GRAMD1A: variants seen among roughly 807,000 people sequenced by gnomAD.
The protein encoded by GRAMD1A is GRAM domain containing 1A, also known as protein Aster-A.
In GRAMD1A, 50 loss-of-function variants were observed where a neutral mutation model predicts 92.0. That is an observed-to-expected ratio of 0.54 (90% CI 0.43 to 0.69). GRAMD1A has a LOEUF of 0.69. GRAMD1A is among the 30% of genes least tolerant of loss of function. The pLI, the probability that GRAMD1A is intolerant of heterozygous loss-of-function variation, is 0.00. For synonymous variants in GRAMD1A, 405 were observed against 403.6 expected (o/e 1.00, Z -0.04); for missense variants, 819 against 978.9 (o/e 0.84, Z 2.18).
intron 11 of GRAMD1A, among the ~76,000 whole-genome samples, chr19:35,018,240 G>A (rs1407687089): frequency 1.3e-5 from 2 of 152,050 alleles, no homozygotes. Flanking sequence ...CTCCTGCCTC[G>A]GCCTCCCAAA....
chr19:35,007,463 C>T (rs943729964), intron 1 of GRAMD1A, among the ~76,000 whole-genome samples: 5 of 152,180 alleles, frequency 3.3e-5, no homozygotes, highest in African/African-American at 7.2e-5. Flanking sequence ...GAGGCTGGGG[C>T]GGAAGAATCG....
chr19:35,007,860 G>A (rs772325399), intron 1 of GRAMD1A, among the ~76,000 whole-genome samples: 2 of 152,068 alleles, frequency 1.3e-5, no homozygotes, highest in East Asian at 1.9e-4. Context: ...GTGACAGAGC[G>A]AGACCCTATC....
intron 6 of GRAMD1A, 130 bp downstream of exon 6, chr19:35,010,509 G>A (rs535822677): frequency 8.9e-5 from 60 of 675,056 alleles, no homozygotes; most frequent in South Asian, 3.4e-4. Context: ...CTGTTCTCCC[G>A]GCCCAGGCGC....
chr19:35,009,567 T>G, intron 3 of GRAMD1A, 124 bp downstream of exon 3: 1 of 947,836 alleles, frequency 1.1e-6, no homozygotes, highest in Non-Finnish European at 1.7e-6. Flanking sequence ...TAGGGTCACG[T>G]TCTATGCTAT....
chr19:35,007,805 C>T lies in GRAMD1A; in HGVS notation c.9-1314C>T, dbSNP rs113458895. On this transcript the variant is annotated intron_variant, in intron 1 of 19. Coordinates refer to ENST00000317991, the MANE Select transcript of GRAMD1A (RefSeq NM_020895.5). Reference sequence around the variant, plus strand: ...GGAGGATCACTTAAGCCCGGGAGCTCGAGGCTGCAGTGAGCCGTGATTGTG... The same window carrying T: ...GGAGGATCACTTAAGCCCGGGAGCTTGAGGCTGCAGTGAGCCGTGATTGTG... Among the ~76,000 whole-genome samples, 259 of 151,740 alleles carry T rather than the reference C, an allele frequency of 1.7e-3. 1 individual carries two copies. The highest frequency in any genetic ancestry group is 6.0e-3 in the African/African-American group (246 of 41,328).
chr19:35,020,658 C>CA (rs56181450), intron 13 of GRAMD1A, among the ~76,000 whole-genome samples: 10,310 of 111,712 alleles, frequency 0.092, 504 homozygotes, highest in Non-Finnish European at 0.12. Flanking sequence ...GACCCTGTCT[C>CA]AAAAAAAAAA....
intron 17 of GRAMD1A, 152 bp downstream of exon 17, chr19:35,023,063 C>T (rs2016186699): frequency 1.2e-6 from 1 of 833,502 alleles, no homozygotes; most frequent in Non-Finnish European, 2.0e-6. Context: ...TGGGTTTGAA[C>T]ACTGACTTCC....
At chr19:35,003,240 CT>C (rs1209865383) in intron 1 of GRAMD1A, among the ~76,000 whole-genome samples, 1 of 152,006 alleles carries the variant, frequency 6.6e-6, no homozygotes. Context: ...CAGTTTACCC[CT>C]GACACCTACT....
At chr19:35,012,058 A>G (rs917600433) in intron 7 of GRAMD1A, among the ~76,000 whole-genome samples, 4 of 152,248 alleles carry the variant, frequency 2.6e-5, no homozygotes, top group Admixed American at 6.5e-5. Context: ...CCGGGATTCC[A>G]GCCCCATCCC....
At chr19:35,014,051 G>A (rs758019303) in intron 9 of GRAMD1A, 138 bp from the exon 10 acceptor site, 48 of 799,456 alleles carry the variant, frequency 6.0e-5, no homozygotes, top group Non-Finnish European at 9.1e-5. Context: ...CAGGCTGCTC[G>A]CAGCTCAGCC....
rs546661490 is a variant in GRAMD1A, at chr19:35,022,930, C to A, written c.1853+19C>A. 3.9e-5 allele frequency: 60 copies of A among 1,546,206 alleles called. No homozygotes were observed. In the East Asian group the frequency reaches 1.3e-3, roughly 34 times the overall value. On this transcript the variant is annotated intron_variant, in intron 17 of 19. Transcript: ENST00000317991. ...GTGTGAGGTAGGGTCCCGAGTCCTCCCCCTGCCCTCCCCTCCCTGCACCCC... is the reference window on the plus strand; with the variant it reads ...GTGTGAGGTAGGGTCCCGAGTCCTCACCCTGCCCTCCCCTCCCTGCACCCC...
At chr19:35,007,680 A>G (rs2014923330) in intron 1 of GRAMD1A, among the ~76,000 whole-genome samples, 2 of 152,148 alleles carry the variant, frequency 1.3e-5, no homozygotes, top group Admixed American at 6.5e-5. Flanking sequence ...CAGCCTGGGC[A>G]ACATAGCTAG....
Position 35,009,193 on chromosome 19 carries a change from C to G in GRAMD1A, c.83C>G (p.Pro28Arg). 2 of 1,613,936 alleles carry G rather than the reference C, an allele frequency of 1.2e-6. No individual in the cohort carries two copies. Among genetic ancestry groups the G allele is most frequent in the Non-Finnish European group, 1.7e-6 (2 of 1,179,804 alleles). ...CGGAAACGGCTGCAGCTCCTGCCCC[C>G]AAGCCGGCCCCCACCTGAGCCAGAA... is the stretch of plus-strand genomic sequence containing the variant. ...SLRKRLQLLP[P>R]SRPPPEPEPG... The change falls in exon 2 of 20, where the codon CCA becomes CGA. Residue 28 changes from proline (P) to arginine (R), a missense_variant. By Grantham distance (103) the Pro-to-Arg change is moderately radical (BLOSUM62 -2). Around this residue, in one of 3 missense-constraint regions of GRAMD1A, gnomAD observed 98 missense variants for 84.0 expected, o/e 1.17. Transcript: ENST00000317991.
Position 35,022,893 on chromosome 19 carries a change from G to A in GRAMD1A, c.1842-7G>A, listed in dbSNP as rs371327420. On this transcript the variant is annotated splice_region_variant and splice_polypyrimidine_tract_variant and intron_variant, in intron 16 of 19. Coordinates refer to ENST00000317991, the MANE Select transcript of GRAMD1A (RefSeq NM_020895.5). ...CTCTCTGTCTCCCCTCACTGCTGCT[G>A]CTGCAGGATCTGTGTGAGGTAGGGT... 15 of 1,604,476 alleles carry A rather than the reference G, an allele frequency of 9.3e-6. No individual in the cohort carries two copies. In the African/African-American group the frequency reaches 1.6e-4, roughly 17 times the overall value.
rs1056796901 is a variant in GRAMD1A at position 35,021,294 on chromosome 19, G to A, written c.1476-208G>A. The stretch of plus-strand genomic sequence containing the variant: ...TAGTGGGCATGGGTGGAGAAGGACC[G>A]AGGGCTGAGTTGGCTGGCATTTGGG... On this transcript the variant is annotated intron_variant, in intron 13 of 19. Coordinates refer to ENST00000317991, the MANE Select transcript of GRAMD1A (RefSeq NM_020895.5). The surrounding 1 kb of genome is among the most constrained non-coding windows in gnomAD (Gnocchi z 5.3). 6.6e-6 allele frequency among the ~76,000 whole-genome samples: 1 copy of A among 152,190 alleles called. No individual in the cohort carries two copies. The highest frequency in any genetic ancestry group is 1.5e-5 in the Non-Finnish European group (1 of 68,042).
rs777067803 is a variant in GRAMD1A at position 35,013,693 on chromosome 19, T to A, written c.870+2T>A. ...GCCAGCAGCGACGCAGACCATGGGG[T>A]GAGCGGTGGGTTGGAAGAGGGGTGG... is the stretch of plus-strand genomic sequence containing the variant. On this transcript the variant is annotated splice_donor_variant, in intron 9 of 19. Coordinates refer to ENST00000317991, the MANE Select transcript of GRAMD1A (RefSeq NM_020895.5). LOFTEE classifies it high-confidence loss of function. The surrounding 1 kb of genome is among the most constrained non-coding windows in gnomAD (Gnocchi z 4.9). The A allele has an allele frequency of 6.2e-7, 1 of 1,601,708 alleles. No homozygotes were observed. Among genetic ancestry groups the A allele is most frequent in the Non-Finnish European group, 8.5e-7 (1 of 1,172,974 alleles).
chr19:35,011,618 C>T (rs536489589), intron 7 of GRAMD1A, 64 bp downstream of exon 7: 2 of 1,211,306 alleles, frequency 1.7e-6, no homozygotes, highest in Admixed American at 3.6e-5. Flanking sequence ...AGCCAGGGAC[C>T]CCAGAACTTG....
chr19:35,019,740 C>T (rs1381185988), intron 13 of GRAMD1A, among the ~76,000 whole-genome samples: 1 of 152,104 alleles, frequency 6.6e-6, no homozygotes, highest in Non-Finnish European at 1.5e-5. Flanking sequence ...GGTGTTTGAG[C>T]CTCAAGACTC....
chr19:35,001,630 TAG>T (rs2014380733), intron 1 of GRAMD1A, among the ~76,000 whole-genome samples: 1 of 151,576 alleles, frequency 6.6e-6, no homozygotes, highest in African/African-American at 2.4e-5. Context: ...TCTTTTGAAA[TAG>T]AGTCTGGCTC....
Sources: gnomAD v4.1 joint callset for allele counts (sites outside exome capture counted in the v4.1 genomes callset) on GRCh38, gnomAD v4.1.1 for gene constraint, gnomAD v4.1.1 regional missense constraint, Gnocchi (gnomAD v3.1) non-coding constraint, MANE v1.5 for transcripts, NCBI Gene and HGNC (gene_info 2026-07-23, HGNC 2026-07-21) for gene names.